The following KCNN4 variants were observed in gnomAD, a reference collection of about 807,000 sequenced individuals.
The protein encoded by KCNN4 is intermediate conductance calcium-activated potassium channel protein 4.
In KCNN4, 31 loss-of-function variants were observed where a neutral mutation model predicts 45.2. The ratio of observed to expected loss-of-function variants is 0.69; its 90% CI spans 0.52 to 0.92. The LOEUF is 0.92. Among genes scored for constraint, KCNN4 ranks in the 40% least tolerant of loss-of-function variants. The pLI is 0.00. For missense variants in KCNN4, 463 were observed against 574.0 expected (o/e 0.81, Z 1.98); for synonymous variants, 231 against 254.6 (o/e 0.91, Z 0.88).
At chr19:43,770,225 C>T (rs531156062) in intron 4 of KCNN4, among the ~76,000 whole-genome samples, 1 of 152,224 alleles carries the variant, frequency 6.6e-6, no homozygotes, top group South Asian at 2.1e-4. Context: ...CTTCTCTCTC[C>T]TGGACCGTCT....
rs1264442456 is a variant in KCNN4 at position 43,769,561 on chromosome 19, C to T, written c.931-1G>A. On this transcript the variant is annotated splice_acceptor_variant, in intron 5 of 8. Coordinates refer to ENST00000648319, the MANE Select transcript of KCNN4 (RefSeq NM_002250.3). LOFTEE classifies it high-confidence loss of function. This position sits in a 1 kb window ranked among gnomAD's most constrained non-coding sequence, Gnocchi z 4.4. The stretch of plus-strand genomic sequence containing the variant: ...GCACTCGGGCAGCGGACTCCTTCAT[C>T]TGGGGGTGGGTGGCACAGTGTCCGT... The T allele has an allele frequency of 1.9e-6, 3 of 1,613,314 alleles. No individual in the cohort carries two copies. The highest frequency in any genetic ancestry group is 2.5e-6 in the Non-Finnish European group (3 of 1,179,234).
chr19:43,771,757 C>T (rs1366109872), intron 4 of KCNN4, among the ~76,000 whole-genome samples: 1 of 152,150 alleles, frequency 6.6e-6, no homozygotes, highest in Non-Finnish European at 1.5e-5. Flanking sequence ...ATGATCATAG[C>T]TCACTGTACC....
At chr19:43,780,499 G>GCCCC (rs1969949211) in intron 1 of KCNN4, among the ~76,000 whole-genome samples, 2 of 104,316 alleles carry the variant, frequency 1.9e-5, no homozygotes, top group Admixed American at 1.2e-4. Flanking sequence ...CAGGCCCTCA[G>GCCCC]TCCCTCCTCC....
At position 43,774,328 on chromosome 19, in the gene KCNN4, C is replaced by G. The variant is rs1407986673; in HGVS notation, c.547G>C (p.Gly183Arg). Residue 183 changes from glycine (G) to arginine (R), a missense_variant, in exon 3 of 9, where the codon GGC (glycine) becomes CGC (arginine). Gly to Arg is a moderately radical substitution (Grantham distance 125). Around this residue, in one of 3 missense-constraint regions of KCNN4, gnomAD observed 109 missense variants for 183.7 expected, o/e 0.59. Coordinates refer to ENST00000648319, the MANE Select transcript of KCNN4 (RefSeq NM_002250.3). The surrounding 1 kb of genome is among the most constrained non-coding windows in gnomAD (Gnocchi z 5.6). Reference protein sequence around the residue: ...VLLNASYRSIGALNQVRFRHW... With the variant: ...VLLNASYRSIRALNQVRFRHW... ...CGGAAGCGGACTTGATTGAGAGCGC[C>G]GATGCTGCGGTAGGAAGCGTTGAGC... 1 of 1,611,322 alleles carries G rather than the reference C, an allele frequency of 6.2e-7. No homozygotes were observed.
intron 1 of KCNN4, among the ~76,000 whole-genome samples, chr19:43,777,660 G>A (rs1317166217): frequency 6.8e-6 from 1 of 147,890 alleles, no homozygotes; most frequent in Non-Finnish European, 1.5e-5. Context: ...AGAAACCACG[G>A]AGAAATTGTT....
chr19:43,767,460 G>C (rs947246104), intron 8 of KCNN4, 80 bp downstream of exon 8: 1 of 1,496,116 alleles, frequency 6.7e-7, no homozygotes, highest in South Asian at 1.3e-5. Flanking sequence ...GCCATCCCCC[G>C]CCCCCTTAGC....
rs1444271129 is a variant in KCNN4, at chr19:43,774,387, A to G, written c.488T>C (p.Val163Ala). The change falls in exon 3 of 9, where the codon GTG becomes GCG. Residue 163 changes from valine to alanine, a missense_variant. Physicochemically the swap from Val to Ala is moderately conservative, Grantham distance 64. Coordinates refer to ENST00000648319, the MANE Select transcript of KCNN4 (RefSeq NM_002250.3). The surrounding 1 kb of genome is among the most constrained non-coding windows in gnomAD (Gnocchi z 5.6). ...SLAMLLRLYL[V>A]PRAVLLRSGV... ...GCTGCGCAGGAGCACGGCGCGGGGC[A>G]CCAGGTAGAGACGCAGCAGCATGGC... The G allele has an allele frequency of 1.2e-6, 2 of 1,603,010 alleles. No homozygotes were observed. The highest frequency in any genetic ancestry group is 2.2e-5 in the South Asian group (2 of 89,556).
At chr19:43,771,406 T>C (rs1969639587) in intron 4 of KCNN4, among the ~76,000 whole-genome samples, 1 of 152,126 alleles carries the variant, frequency 6.6e-6, no homozygotes, top group South Asian at 2.1e-4. Flanking sequence ...CCCCATTTTA[T>C]AGATGAGGAA....
At position 43,774,579 on chromosome 19, in the gene KCNN4, G is replaced by A. The variant is rs1050638946; in HGVS notation, c.296C>T (p.Ala99Val). ...TDNGLRDWRV[A>V]LTGRQAAQIV... ...CTGCGCCGCCTGCCGCCCGGTCAGCGCCACGCGCCAGTCCCGCAGCCCGTT... is the reference window on the plus strand; with the variant it reads ...CTGCGCCGCCTGCCGCCCGGTCAGCACCACGCGCCAGTCCCGCAGCCCGTT... The change falls in exon 3 of 9, where the codon GCG becomes GTG. Residue 99 changes from alanine (A) to valine (V), a missense_variant. This residue lies in a region of KCNN4 where 225 missense variants were observed against 240.9 expected (regional missense o/e 0.93). Coordinates refer to ENST00000648319, the MANE Select transcript of KCNN4 (RefSeq NM_002250.3). This position sits in a 1 kb window ranked among gnomAD's most constrained non-coding sequence, Gnocchi z 5.6. 1.3e-6 allele frequency: 2 copies of A among 1,532,208 alleles called. No individual in the cohort carries two copies. The highest frequency in any genetic ancestry group is 1.3e-5 in the South Asian group (1 of 79,880). 94.9% of individuals were successfully genotyped at this position (1,532,208 alleles called of 1,614,324 possible).
In KCNN4 at chr19:43,774,062, A is replaced by G. The variant is rs1969716926; in HGVS notation, c.683+130T>C. The G allele has an allele frequency of 3.1e-6, 3 of 974,280 alleles. No individual in the cohort carries two copies. Among genetic ancestry groups the G allele is most frequent in the Non-Finnish European group, 4.5e-6 (3 of 663,952 alleles). 60.4% of individuals were successfully genotyped at this position (974,280 alleles called of 1,614,324 possible). On this transcript the variant is annotated intron_variant, in intron 3 of 8. Coordinates refer to ENST00000648319, the MANE Select transcript of KCNN4 (RefSeq NM_002250.3). This position sits in a 1 kb window ranked among gnomAD's most constrained non-coding sequence, Gnocchi z 5.6. ...TGGGCAAATTTCAGCCAGCAAGAGG[A>G]GAAGGGGTCAAAGTGTGAACTTTCT...
Position 43,780,956 on chromosome 19 carries a change from G to T in KCNN4, c.-95C>A. Reference sequence around the variant, plus strand: ...AGCCACTGTGGCTTGCAGGTCGTCAGCCTGCTCTGCTGGCTCTGGGACTTT... The same window carrying T: ...AGCCACTGTGGCTTGCAGGTCGTCATCCTGCTCTGCTGGCTCTGGGACTTT... On this transcript the variant is annotated 5_prime_UTR_variant, in exon 1 of 9. In the 5' UTR this introduces an upstream ATG that the reference lacks. Coordinates refer to ENST00000648319, the MANE Select transcript of KCNN4 (RefSeq NM_002250.3). 2.3e-6 allele frequency: 3 copies of T among 1,277,048 alleles called. No individual in the cohort carries two copies. Among genetic ancestry groups the T allele is most frequent in the South Asian group, 1.3e-5 (1 of 78,290 alleles). 79.1% of individuals were successfully genotyped at this position (1,277,048 alleles called of 1,614,324 possible). A position where few individuals can be genotyped will look rare whatever the true frequency, so the allele number is the denominator to read the frequency against.
In KCNN4 at chr19:43,769,821, G is replaced by A. The variant is rs537306369; in HGVS notation, c.828C>T (p.Cys276=). Residue 276 remains cysteine, a synonymous_variant, in exon 5 of 9, where the codon TGC becomes TGT. Transcript: ENST00000648319. This position sits in a 1 kb window ranked among gnomAD's most constrained non-coding sequence, Gnocchi z 4.4. ...CCACGGCCACCAGCAGGGCTGTGCAGCAGACACCCTGTGGGCACAGCAGGC... is the reference window on the plus strand; with the variant it reads ...CCACGGCCACCAGCAGGGCTGTGCAACAGACACCCTGTGGGCACAGCAGGC... ...VCLCTGVMGV[C]CTALLVAVVA... 2 of 1,611,300 alleles carry A rather than the reference G, an allele frequency of 1.2e-6. No homozygotes were observed. The highest frequency in any genetic ancestry group is 4.5e-5 in the East Asian group (2 of 44,856).
chr19:43,769,566 G>T lies in KCNN4; in HGVS notation c.931-6C>A, dbSNP rs1473230869. The stretch of plus-strand genomic sequence containing the variant: ...CGGGCAGCGGACTCCTTCATCTGGG[G>T]GTGGGTGGCACAGTGTCCGTGGAGA... On this transcript the variant is annotated splice_polypyrimidine_tract_variant and splice_region_variant and intron_variant, in intron 5 of 8. Coordinates refer to ENST00000648319, the MANE Select transcript of KCNN4 (RefSeq NM_002250.3). The surrounding 1 kb of genome is among the most constrained non-coding windows in gnomAD (Gnocchi z 4.4). 6.2e-7 allele frequency: 1 copy of T among 1,611,880 alleles called. No individual in the cohort carries two copies. The highest frequency in any genetic ancestry group is 8.5e-7 in the Non-Finnish European group (1 of 1,177,938).
rs1171991166 is a variant in KCNN4 at position 43,774,582 on chromosome 19, A to T, written c.293T>A (p.Val98Glu). Residue 98 changes from valine (V) to glutamate (E), a missense_variant, in exon 3 of 9, where the codon GTG (valine) becomes GAG (glutamate). Around this residue, in one of 3 missense-constraint regions of KCNN4, gnomAD observed 225 missense variants for 240.9 expected, o/e 0.93. Coordinates refer to ENST00000648319, the MANE Select transcript of KCNN4 (RefSeq NM_002250.3). The surrounding 1 kb of genome is among the most constrained non-coding windows in gnomAD (Gnocchi z 5.6). Reference sequence around the variant, plus strand: ...CGCCGCCTGCCGCCCGGTCAGCGCCACGCGCCAGTCCCGCAGCCCGTTGTC... The same window carrying T: ...CGCCGCCTGCCGCCCGGTCAGCGCCTCGCGCCAGTCCCGCAGCCCGTTGTC... ...MTDNGLRDWR[V>E]ALTGRQAAQI... 1 of 1,531,890 alleles carries T rather than the reference A, an allele frequency of 6.5e-7. No individual in the cohort carries two copies. Among genetic ancestry groups the T allele is most frequent in the Non-Finnish European group, 8.7e-7 (1 of 1,149,788 alleles). 94.9% of individuals were successfully genotyped at this position (1,531,890 alleles called of 1,614,324 possible).
chr19:43,776,761 C>A, intron 1 of KCNN4, 125 bp from the exon 2 acceptor site: 1 of 670,308 alleles, frequency 1.5e-6, no homozygotes, highest in South Asian at 1.7e-5. Flanking sequence ...CCTTCCCCTG[C>A]AAATCAGTCC....
intron 3 of KCNN4, among the ~76,000 whole-genome samples, chr19:43,773,102 C>T (rs1969689186): frequency 6.6e-6 from 1 of 152,220 alleles, no homozygotes; most frequent in Non-Finnish European, 1.5e-5. Context: ...AGTTCAAAAC[C>T]AGCCTGGGCA....
intron 1 of KCNN4, among the ~76,000 whole-genome samples, chr19:43,779,367 G>A (rs1334398506): frequency 6.6e-6 from 1 of 151,364 alleles, no homozygotes; most frequent in Non-Finnish European, 1.5e-5. Context: ...CACCCCCTCA[G>A]TGCCCGCCGC....
At chr19:43,767,166 C>G (rs1053635014) in intron 8 of KCNN4, 77 bp from the exon 9 acceptor site, 1 of 234,016 alleles carries the variant, frequency 4.3e-6, no homozygotes, top group African/African-American at 2.2e-5. Context: ...GAGGTGCAGA[C>G]AGAAACCGGT....
Position 43,776,706 on chromosome 19 carries a change from T to A in KCNN4, c.160-70A>T. 3 of 976,850 alleles carry A rather than the reference T, an allele frequency of 3.1e-6. No homozygotes were observed. In the South Asian group the frequency reaches 4.2e-5, roughly 14 times the overall value. The allele number at this position is 976,850 out of a possible 1,614,324, so 60.5% of individuals were successfully genotyped here. On this transcript the variant is annotated intron_variant, in intron 1 of 8. Coordinates refer to ENST00000648319, the MANE Select transcript of KCNN4 (RefSeq NM_002250.3). Reference sequence around the variant, plus strand: ...CTCCGCCTGGCCCTCCACCTTTCCTTCAAAACCACCATTTTTTTTTTTTGA... The same window carrying A: ...CTCCGCCTGGCCCTCCACCTTTCCTACAAAACCACCATTTTTTTTTTTTGA...
Sources: allele counts gnomAD v4.1 joint callset (sites outside exome capture counted in the v4.1 genomes callset), GRCh38; gene constraint gnomAD v4.1.1; regional missense constraint gnomAD v4.1.1; non-coding constraint Gnocchi (gnomAD v3.1); transcripts MANE v1.5; gene names NCBI Gene and HGNC (gene_info 2026-07-23, HGNC 2026-07-21).